Variants in CMTM4 observed in about 807,000 individuals in gnomAD.
CMTM4 encodes the protein CKLF like MARVEL transmembrane domain containing 4, also known as CKLF-like MARVEL transmembrane domain-containing protein 4.
Under a neutral mutation model 19.0 loss-of-function variants are expected in CMTM4, and 8 were observed. That is an observed-to-expected ratio of 0.42 (90% CI 0.25 to 0.76). CMTM4 has a LOEUF of 0.76. CMTM4 is among the 30% of genes least tolerant of loss of function. The pLI, the probability that CMTM4 is intolerant of heterozygous loss-of-function variation, is 0.27. For missense variants in CMTM4, 228 were observed against 290.2 expected, an observed-to-expected ratio of 0.79 and a Z score of 1.56; for synonymous variants, 106 against 121.1, an observed-to-expected ratio of 0.88 and a Z score of 0.82.
At position 66,619,347 on chromosome 16, in the gene CMTM4, G is replaced by T. The variant is rs2015585150; in HGVS notation, c.*2711C>A. The T allele has an allele frequency of 3.0e-6, 3 of 985,402 alleles. No individual in the cohort carries two copies. The highest frequency in any genetic ancestry group is 3.5e-5 in the African/African-American group (2 of 57,348). The allele number at this position is 985,402 out of a possible 1,614,324, so 61.0% of individuals were successfully genotyped here. ...AATGCTTGAGGGTTTCAGCTGTACA[G>T]TGTCCAGGAAAAAACCCAAATGCAC... On this transcript the variant is annotated 3_prime_UTR_variant, in exon 4 of 4. Coordinates refer to ENST00000394106, the MANE Select transcript of CMTM4 (RefSeq NM_181521.3).
At chr16:66,614,338 A>G (rs2015485915), downstream of CMTM4, among the ~76,000 whole-genome samples, 2 of 152,258 alleles carry the variant, frequency 1.3e-5, no homozygotes, top group South Asian at 2.1e-4. This position sits in a 1 kb window ranked among gnomAD's most constrained non-coding sequence, Gnocchi z 4.9. Flanking sequence ...TCTCACTTAC[A>G]CATCAGGATA....
the CMTM4 span, among the ~76,000 whole-genome samples, chr16:66,600,112 T>TTGTG: frequency 0.046 from 6,728 of 146,530 alleles, 230 homozygotes; most frequent in Middle Eastern, 0.079. Context: ...AGCCATCCTT[T>TTGTG]TGTGTGTGTG....
intron 1 of CMTM4, among the ~76,000 whole-genome samples, chr16:66,655,543 GTGTT>G (rs1415405595): frequency 2.8e-4 from 42 of 150,488 alleles, no homozygotes; most frequent in South Asian, 2.1e-4. Context: ...GTGTGTGTGT[GTGTT>G]TATTTATGTG....
downstream of CMTM4, among the ~76,000 whole-genome samples, chr16:66,611,744 G>A (rs1049853669): frequency 3.5e-4 from 54 of 152,124 alleles, no homozygotes; most frequent in African/African-American, 1.3e-3. Context: ...ACAGAGCTCC[G>A]AGACAGAACT....
intron 1 of CMTM4, among the ~76,000 whole-genome samples, chr16:66,647,572 G>A (rs2016228158): frequency 6.6e-6 from 1 of 152,100 alleles, no homozygotes; most frequent in Non-Finnish European, 1.5e-5. Flanking sequence ...TGAGGAGACT[G>A]GGGAAGAAGT....
rs971611775 is a variant in CMTM4, at chr16:66,622,955, A to G, written c.462+449T>C. On this transcript the variant is annotated intron_variant, in intron 3 of 3. Coordinates refer to ENST00000394106, the MANE Select transcript of CMTM4 (RefSeq NM_181521.3). The surrounding 1 kb of genome is among the most constrained non-coding windows in gnomAD (Gnocchi z 4.0). ...GCAGGGCATGGAGAGGGGAAGTCCT[A>G]CATTATCTGGTCCCCACCTGCCGTG... Among the ~76,000 whole-genome samples, 12 of 152,248 alleles carry G rather than the reference A, an allele frequency of 7.9e-5. No individual in the cohort carries two copies. The highest frequency in any genetic ancestry group is 2.4e-4 in the African/African-American group (10 of 41,464).
rs1337977144 is a variant in CMTM4, at chr16:66,619,547, C to T, written c.*2511G>A. 2 of 985,238 alleles carry T rather than the reference C, an allele frequency of 2.0e-6. No individual in the cohort carries two copies. Among genetic ancestry groups the T allele is most frequent in the Non-Finnish European group, 2.4e-6 (2 of 829,940 alleles). 61.0% of individuals were successfully genotyped at this position (985,238 alleles called of 1,614,324 possible). A position where few individuals can be genotyped will look rare whatever the true frequency, so the allele number is the denominator to read the frequency against. ...CGCTTCCTTCAATTTGCCAAGAGGT[C>T]ATTTTAAGGCCCCCAGATATCGATT... On this transcript the variant is annotated 3_prime_UTR_variant, in exon 4 of 4. Transcript: ENST00000394106.
Position 66,618,525 on chromosome 16 carries a change from G to A in CMTM4, c.*3533C>T, listed in dbSNP as rs2015568147. Reference sequence around the variant, plus strand: ...TCCACCTCTCAGAGCACATGGATAGGTGACGGGTTTCTCATGTGAATCTAC... The same window carrying A: ...TCCACCTCTCAGAGCACATGGATAGATGACGGGTTTCTCATGTGAATCTAC... On this transcript the variant is annotated 3_prime_UTR_variant, in exon 4 of 4. Transcript: ENST00000394106. The A allele has an allele frequency of 1.0e-6, 1 of 985,396 alleles. No individual in the cohort carries two copies. Among genetic ancestry groups the A allele is most frequent in the Admixed American group, 6.1e-5 (1 of 16,270 alleles). 61.0% of individuals were successfully genotyped at this position (985,396 alleles called of 1,614,324 possible).
chr16:66,652,349 A>C (rs1188419545), intron 1 of CMTM4, among the ~76,000 whole-genome samples: 1 of 152,186 alleles, frequency 6.6e-6, no homozygotes. Context: ...CCCTGAAGGC[A>C]CCGTTTTCCA....
In CMTM4 at chr16:66,616,008, G is replaced by A. The variant is rs1018944803; in HGVS notation, c.*6050C>T. The A allele has an allele frequency of 6.6e-6, 1 of 152,050 alleles. No homozygotes were observed. Among genetic ancestry groups the A allele is most frequent in the Non-Finnish European group, 1.5e-5 (1 of 68,024 alleles). The allele number at this position is 152,050 out of a possible 1,614,324, so 9.4% of individuals were successfully genotyped here. A position where few individuals can be genotyped will look rare whatever the true frequency, so the allele number is the denominator to read the frequency against. On this transcript the variant is annotated 3_prime_UTR_variant, in exon 4 of 4. Transcript: ENST00000394106. ...AGGAGAAGCAGCAGCAGAGAGGAAA[G>A]AGGAATAGCCAGGGAATTTTTTTTG...
At chr16:66,637,993 G>A (rs748856185) in intron 1 of CMTM4, among the ~76,000 whole-genome samples, 9 of 152,148 alleles carry the variant, frequency 5.9e-5, no homozygotes, top group Non-Finnish European at 5.9e-5. Flanking sequence ...AGCATCCAAG[G>A]CACGGGCTGT....
intron 2 of CMTM4, among the ~76,000 whole-genome samples, chr16:66,624,539 G>T (rs2015698939): frequency 6.6e-6 from 1 of 152,190 alleles, no homozygotes. Flanking sequence ...GGCTGAGGCG[G>T]ATGGATCACT....
intron 1 of CMTM4, among the ~76,000 whole-genome samples, chr16:66,656,248 T>C (rs2016395841): frequency 6.6e-6 from 1 of 152,138 alleles, no homozygotes; most frequent in Admixed American, 6.5e-5. Flanking sequence ...AACCAACAAA[T>C]ATAGCAGGAA....
chr16:66,612,651 G>A, downstream of CMTM4: 1 of 1,613,660 alleles, frequency 6.2e-7, no homozygotes, highest in South Asian at 1.1e-5. This position sits in a 1 kb window ranked among gnomAD's most constrained non-coding sequence, Gnocchi z 6.0. Flanking sequence ...CCTGGCGGGT[G>A]CCTTGGCAAC....
the CMTM4 span, among the ~76,000 whole-genome samples, chr16:66,609,182 CCA>C: frequency 1.8e-4 from 27 of 152,362 alleles, no homozygotes; most frequent in African/African-American, 5.5e-4. This position sits in a 1 kb window ranked among gnomAD's most constrained non-coding sequence, Gnocchi z 4.4. Flanking sequence ...GCACCCTGAT[CCA>C]CACAGTTTTT....
chr16:66,672,688 C>CAA (rs1194945277), intron 1 of CMTM4, among the ~76,000 whole-genome samples: 1 of 152,020 alleles, frequency 6.6e-6, no homozygotes, highest in African/African-American at 2.4e-5. Context: ...CGGCTCACTA[C>CAA]AACCTCAGCC....
chr16:66,640,911 T>TTGAACAAG (rs2016087801), intron 1 of CMTM4, among the ~76,000 whole-genome samples: 3 of 151,950 alleles, frequency 2.0e-5, no homozygotes, highest in Non-Finnish European at 4.4e-5. Context: ...TAGACATAGG[T>TTGAACAAG]CCTCCAGCCC....
intron 1 of CMTM4, among the ~76,000 whole-genome samples, chr16:66,681,153 G>A (rs2016907559): frequency 1.3e-5 from 2 of 152,100 alleles, no homozygotes; most frequent in Non-Finnish European, 2.9e-5. Context: ...ACTTTGGGAG[G>A]CTGAGGCAGA....
intron 2 of CMTM4, among the ~76,000 whole-genome samples, chr16:66,630,867 G>A (rs1235983929): frequency 6.6e-5 from 10 of 150,610 alleles, no homozygotes; most frequent in East Asian, 6.0e-4. Context: ...GTCTCTGCCC[G>A]GCCGCCCATC....
Sources: allele counts gnomAD v4.1 joint callset (sites outside exome capture counted in the v4.1 genomes callset), GRCh38; gene constraint gnomAD v4.1.1; non-coding constraint Gnocchi (gnomAD v3.1); transcripts MANE v1.5; gene names NCBI Gene and HGNC (gene_info 2026-07-23, HGNC 2026-07-21).